The following EDIL3 variants were observed in gnomAD, a reference collection of about 807,000 sequenced individuals.
EDIL3 encodes EGF-like repeat and discoidin I-like domain-containing protein 3.
EDIL3 carries 37 observed loss-of-function variants against 67.4 expected under a neutral mutation model. The observed-to-expected ratio is 0.55, with a 90% CI of 0.42 to 0.72. The LOEUF is 0.72. Ranked by LOEUF, EDIL3 falls within the 30% of genes least tolerant of loss-of-function variation. The pLI, the probability that EDIL3 is intolerant of heterozygous loss-of-function variation, is 0.00. For synonymous variants in EDIL3, 195 were observed against 196.3 expected (o/e 0.99, Z 0.05); for missense variants, 527 against 586.3 (o/e 0.90, Z 1.04).
At chr5:84,334,871 T>A (rs576115781) in intron 1 of EDIL3, among the ~76,000 whole-genome samples, 4 of 152,210 alleles carry the variant, frequency 2.6e-5, no homozygotes, top group Non-Finnish European at 5.9e-5. Flanking sequence ...TTTTGTGCTA[T>A]AAAATTTTAA....
chr5:84,211,438 T>C (rs369362264), intron 3 of EDIL3, among the ~76,000 whole-genome samples: 4 of 152,152 alleles, frequency 2.6e-5, no homozygotes, highest in African/African-American at 9.7e-5. Flanking sequence ...CAAATAAACC[T>C]CTTTATAAAT....
chr5:83,992,461 G>A (rs889998818), intron 9 of EDIL3, among the ~76,000 whole-genome samples: 26 of 152,030 alleles, frequency 1.7e-4, no homozygotes, highest in Admixed American at 1.5e-3. Flanking sequence ...CTACAATTAC[G>A]TCAATGAATG....
chr5:84,358,592 CTTTTTTTTTTT>C lies in EDIL3; in HGVS notation c.67+25705_67+25715del, dbSNP rs756013675. 4.8e-3 allele frequency among the ~76,000 whole-genome samples: 451 copies of C among 94,562 alleles called. 1 individual carries two copies. Among genetic ancestry groups the C allele is most frequent in the African/African-American group, 0.015 (379 of 25,314 alleles). 62.0% of individuals were successfully genotyped at this position (94,562 alleles called of 152,430 possible). A position where few individuals can be genotyped will look rare whatever the true frequency, so the allele number is the denominator to read the frequency against. Reference sequence around the variant, plus strand: ...GCATAAGACAGTATTCATTTTTATCCTTTTTTTTTTTTTTTTTTTTTTTTTTTTTGAGACAG... The same window carrying C: ...GCATAAGACAGTATTCATTTTTATCCTTTTTTTTTTTTTTTTTTGAGACAG... On this transcript the variant is annotated intron_variant, in intron 1 of 10. Coordinates refer to ENST00000296591, the MANE Select transcript of EDIL3 (RefSeq NM_005711.5).
chr5:84,142,702 T>G (rs1313659721), intron 4 of EDIL3, among the ~76,000 whole-genome samples: 1 of 151,900 alleles, frequency 6.6e-6, no homozygotes, highest in African/African-American at 2.4e-5. Context: ...CAACCATAAA[T>G]CTATCTCCTC....
At chr5:84,341,531 A>C (rs2112177897) in intron 1 of EDIL3, among the ~76,000 whole-genome samples, 1 of 152,250 alleles carries the variant, frequency 6.6e-6, no homozygotes, top group Non-Finnish European at 1.5e-5. Context: ...GGTTTTGTTA[A>C]ATATTTCTGT....
At chr5:84,308,725 G>A (rs1199905963) in intron 1 of EDIL3, among the ~76,000 whole-genome samples, 1 of 152,116 alleles carries the variant, frequency 6.6e-6, no homozygotes, top group African/African-American at 2.4e-5. Context: ...GAGTCATAAT[G>A]TTATGTGTAA....
At chr5:84,239,730 C>A (rs1032695191) in intron 2 of EDIL3, among the ~76,000 whole-genome samples, 1 of 151,962 alleles carries the variant, frequency 6.6e-6, no homozygotes, top group Non-Finnish European at 1.5e-5. Flanking sequence ...ATCTTTGCAA[C>A]GGGAAAGAAT....
At chr5:84,094,793 A>C (rs1477482871) in intron 6 of EDIL3, among the ~76,000 whole-genome samples, 1 of 152,210 alleles carries the variant, frequency 6.6e-6, no homozygotes, top group East Asian at 1.9e-4. Context: ...ATTAACTATA[A>C]TTTTCTTAAA....
intron 6 of EDIL3, among the ~76,000 whole-genome samples, chr5:84,095,271 C>T (rs1347821453): frequency 6.6e-6 from 1 of 151,924 alleles, no homozygotes; most frequent in Non-Finnish European, 1.5e-5. Flanking sequence ...TGGGGCACTG[C>T]TGAAAAAATA....
chr5:84,003,720 T>C (rs1309532961), intron 9 of EDIL3, among the ~76,000 whole-genome samples: 1 of 152,054 alleles, frequency 6.6e-6, no homozygotes, highest in Non-Finnish European at 1.5e-5. Context: ...CTACAAAATA[T>C]ACTTAGGTAC....
At chr5:84,112,418 G>T (rs1025774142) in intron 5 of EDIL3, among the ~76,000 whole-genome samples, 1 of 152,174 alleles carries the variant, frequency 6.6e-6, no homozygotes, top group Non-Finnish European at 1.5e-5. Flanking sequence ...GAATTTCAAA[G>T]GGTCCAGAGA....
At chr5:84,334,339 C>A (rs1746942317) in intron 1 of EDIL3, among the ~76,000 whole-genome samples, 1 of 152,130 alleles carries the variant, frequency 6.6e-6, no homozygotes, top group Non-Finnish European at 1.5e-5. Context: ...GGTGGGATTA[C>A]AGGCATGAGC....
intron 1 of EDIL3, among the ~76,000 whole-genome samples, chr5:84,349,825 T>C (rs541483641): frequency 2.0e-5 from 3 of 152,294 alleles, no homozygotes; most frequent in South Asian, 2.1e-4. Context: ...TGCAATATTA[T>C]AGATTTGTAA....
intron 1 of EDIL3, among the ~76,000 whole-genome samples, chr5:84,309,309 C>CTTTTTTTTTT (rs1746333742): frequency 5.0e-5 from 5 of 100,764 alleles, no homozygotes; most frequent in East Asian, 2.9e-4. Flanking sequence ...CTTTTTTTTT[C>CTTTTTTTTTT]TTTGTTTTTT....
intron 9 of EDIL3, among the ~76,000 whole-genome samples, chr5:84,042,393 T>C (rs1328196734): frequency 2.0e-5 from 3 of 152,018 alleles, no homozygotes; most frequent in Admixed American, 2.0e-4. Flanking sequence ...GTGATTCTCC[T>C]GCCTCAGCCC....
At chr5:84,029,126 A>G (rs552436249) in intron 9 of EDIL3, among the ~76,000 whole-genome samples, 13 of 152,252 alleles carry the variant, frequency 8.5e-5, no homozygotes, top group East Asian at 7.7e-4. Context: ...GTGTGGTGGC[A>G]GGTGCCTGTA....
intron 4 of EDIL3, among the ~76,000 whole-genome samples, chr5:84,160,290 G>A (rs1400495928): frequency 2.0e-5 from 3 of 151,938 alleles, no homozygotes; most frequent in Admixed American, 6.6e-5. Context: ...ATTATCTCTT[G>A]AACTTTTCTG....
intron 9 of EDIL3, among the ~76,000 whole-genome samples, chr5:84,010,247 A>G (rs1323468131): frequency 2.0e-5 from 3 of 152,162 alleles, no homozygotes; most frequent in African/African-American, 7.2e-5. Context: ...AGCATTGTTT[A>G]TATCAAGTAA....
chr5:84,320,182 CA>C (rs566790789), intron 1 of EDIL3, among the ~76,000 whole-genome samples: 5 of 151,494 alleles, frequency 3.3e-5, no homozygotes, highest in South Asian at 2.1e-4. Context: ...ACCCCTCCCC[CA>C]AAAAAAATGT....
Sources: allele counts gnomAD v4.1 joint callset (sites outside exome capture counted in the v4.1 genomes callset), GRCh38; gene constraint gnomAD v4.1.1; transcripts MANE v1.5; gene names NCBI Gene and HGNC (gene_info 2026-07-23, HGNC 2026-07-21).